The following RNF170 variants were observed in gnomAD, a reference collection of about 807,000 sequenced individuals.
The protein encoded by RNF170 is ring finger protein 170.
Under a neutral mutation model 32.7 loss-of-function variants are expected in RNF170, and 12 were observed. That is an observed-to-expected ratio of 0.37 (90% confidence interval 0.24 to 0.60). The LOEUF is 0.60. RNF170 is among the 20% of genes least tolerant of loss of function. RNF170 has a pLI of 0.72. For synonymous variants in RNF170, 91 were observed against 103.6 expected (o/e 0.88, Z 0.74); for missense variants, 212 against 311.2 (o/e 0.68, Z 2.40).
At chr8:42,852,297 A>G (rs866885824), downstream of RNF170, among the ~76,000 whole-genome samples, 7 of 152,218 alleles carry the variant, frequency 4.6e-5, no homozygotes, top group African/African-American at 1.4e-4. Context: ...CCAGTGATCC[A>G]TAACTTGGAA....
At chr8:42,861,150 TA>T (rs1385554541) in intron 6 of RNF170, among the ~76,000 whole-genome samples, 1 of 152,212 alleles carries the variant, frequency 6.6e-6, no homozygotes, top group African/African-American at 2.4e-5. Flanking sequence ...CACAAAGAAG[TA>T]AATAATTTTC....
chr8:42,874,724 C>T (rs1448727985), intron 2 of RNF170, among the ~76,000 whole-genome samples: 1 of 147,642 alleles, frequency 6.8e-6, no homozygotes, highest in Non-Finnish European at 1.5e-5. Flanking sequence ...CCTGGGCCAA[C>T]AACAGTGAGA....
At chr8:42,858,232 G>GT (rs567650182) in intron 6 of RNF170, among the ~76,000 whole-genome samples, 81 of 147,406 alleles carry the variant, frequency 5.5e-4, no homozygotes, top group Admixed American at 6.1e-4. Context: ...ATTGGATTAA[G>GT]TTTTTTTTTT....
At position 42,884,384 on chromosome 8, in the gene RNF170, C is replaced by CGA. The variant is rs547826314; in HGVS notation, c.137+3343_137+3344insTC. On this transcript the variant is annotated intron_variant, in intron 2 of 6. Transcript: ENST00000527424. ...CAGGCATGAGCCACTGAGCCTGGCTCTAATTCTTTTTTTTTCTATTGCTGC... is the reference window on the plus strand; with the variant it reads ...CAGGCATGAGCCACTGAGCCTGGCTCGATAATTCTTTTTTTTTCTATTGCTGC... 3.3e-3 allele frequency among the ~76,000 whole-genome samples: 502 copies of CGA among 152,084 alleles called. 2 individuals are homozygous for CGA. The highest frequency in any genetic ancestry group is 5.8e-3 in the South Asian group (28 of 4,802).
chr8:42,873,833 C>T, intron 3 of RNF170, 98 bp downstream of exon 3: 1 of 759,096 alleles, frequency 1.3e-6, no homozygotes, highest in East Asian at 2.5e-5. Context: ...TGGAAAGAAG[C>T]CCATGTTTCC....
At chr8:42,893,290 ATAC>A (rs1806467860) in intron 1 of RNF170, among the ~76,000 whole-genome samples, 1 of 152,220 alleles carries the variant, frequency 6.6e-6, no homozygotes, top group African/African-American at 2.4e-5. Flanking sequence ...AGAGTTACTA[ATAC>A]TCGGTTTTGA....
chr8:42,895,756 T>C (rs1304889994), intron 1 of RNF170, among the ~76,000 whole-genome samples: 2 of 152,130 alleles, frequency 1.3e-5, no homozygotes, highest in African/African-American at 4.8e-5. Context: ...AACAACACAC[T>C]GTGATCCACC....
At chr8:42,886,976 A>G (rs1464871293) in intron 2 of RNF170, among the ~76,000 whole-genome samples, 1 of 151,980 alleles carries the variant, frequency 6.6e-6, no homozygotes, top group African/African-American at 2.4e-5. Flanking sequence ...CAACCTAGCG[A>G]AATCCTGTCT....
chr8:42,852,265 C>A (rs1022982933), downstream of RNF170, among the ~76,000 whole-genome samples: 1 of 152,078 alleles, frequency 6.6e-6, no homozygotes, highest in Admixed American at 6.5e-5. Flanking sequence ...CTTCCTTGTT[C>A]CCTTTTCTTG....
At position 42,873,953 on chromosome 8, in the gene RNF170, C is replaced by T; in HGVS notation, c.191G>A (p.Arg64Gln). Reference protein sequence around the residue: ...PENQELVRVLREQLQTEQDAP... With the variant: ...PENQELVRVLQEQLQTEQDAP... The stretch of plus-strand genomic sequence containing the variant: ...TACCTGTTCTGTTTGAAGCTGTTCT[C>T]GAAGTACCCTTACTAGCTCCTGGTT... The change falls in exon 3 of 7, where the codon CGA (arginine) becomes CAA (glutamine). Residue 64 changes from arginine to glutamine, a missense_variant. Physicochemically the swap from Arg to Gln is conservative, Grantham distance 43 (BLOSUM62 1). Coordinates refer to ENST00000527424, the MANE Select transcript of RNF170 (RefSeq NM_030954.4). 2 of 1,598,636 alleles carry T rather than the reference C, an allele frequency of 1.3e-6. No individual in the cohort carries two copies. The highest frequency in any genetic ancestry group is 1.7e-6 in the Non-Finnish European group (2 of 1,166,112).
intron 2 of RNF170, among the ~76,000 whole-genome samples, chr8:42,875,854 C>A (rs758351336): frequency 6.6e-6 from 1 of 152,198 alleles, no homozygotes; most frequent in Non-Finnish European, 1.5e-5. Flanking sequence ...AGATTACTGG[C>A]GTGAGCCACC....
chr8:42,869,533 C>T (rs1018684318), intron 4 of RNF170, among the ~76,000 whole-genome samples: 3 of 152,180 alleles, frequency 2.0e-5, no homozygotes, highest in South Asian at 2.1e-4. Flanking sequence ...GAGACTAAGA[C>T]CTTTAAGACT....
intron 2 of RNF170, among the ~76,000 whole-genome samples, chr8:42,878,619 G>A (rs1805143236): frequency 6.6e-6 from 1 of 152,206 alleles, no homozygotes. Flanking sequence ...AAGACAAAGT[G>A]CAAACTTTTA....
chr8:42,867,775 C>CAAAAAAAAAAA (rs1054907767), intron 4 of RNF170, among the ~76,000 whole-genome samples: 5 of 24,772 alleles, frequency 2.0e-4, no homozygotes, highest in Non-Finnish European at 3.2e-4. Context: ...GACTCCATCT[C>CAAAAAAAAAAA]AAAAAAAAAA....
chr8:42,865,958 C>G (rs1056435575), intron 4 of RNF170, among the ~76,000 whole-genome samples: 2 of 152,018 alleles, frequency 1.3e-5, no homozygotes, highest in African/African-American at 4.8e-5. Flanking sequence ...GCACTCCAGC[C>G]TGGGCAACAA....
chr8:42,897,226 C>A (rs1807012655), upstream of RNF170: 10 of 1,208,826 alleles, frequency 8.3e-6, no homozygotes, highest in South Asian at 1.3e-4. Flanking sequence ...AGACCCCCTC[C>A]CCCCGCCACC....
chr8:42,850,642 G>A, downstream of RNF170: 1 of 892,918 alleles, frequency 1.1e-6, no homozygotes, highest in Non-Finnish European at 1.7e-6. Flanking sequence ...GAAGCAGACA[G>A]ACAATGGAAA....
intron 3 of RNF170, among the ~76,000 whole-genome samples, chr8:42,872,320 A>G (rs910530044): frequency 2.0e-5 from 3 of 152,216 alleles, no homozygotes; most frequent in African/African-American, 7.2e-5. Context: ...TAGTTGCCTT[A>G]CTTATGTCTA....
chr8:42,859,803 C>T (rs1428885866), intron 6 of RNF170, among the ~76,000 whole-genome samples: 1 of 152,128 alleles, frequency 6.6e-6, no homozygotes, highest in Non-Finnish European at 1.5e-5. Flanking sequence ...TGCACACCAC[C>T]GTGCCTGACT....
Sources: allele counts gnomAD v4.1 joint callset (sites outside exome capture counted in the v4.1 genomes callset), GRCh38; gene constraint gnomAD v4.1.1; transcripts MANE v1.5; gene names NCBI Gene and HGNC (gene_info 2026-07-23, HGNC 2026-07-21).